The following ZNF536 variants were observed in gnomAD, a reference collection of about 807,000 sequenced individuals.
The protein encoded by ZNF536 is zinc finger protein 536.
A neutral mutation model predicts 84.5 loss-of-function variants in ZNF536; 13 were observed. That is an observed-to-expected ratio of 0.15 (90% confidence interval 0.10 to 0.24). ZNF536 has a LOEUF of 0.24. Among genes scored for constraint, ZNF536 ranks in the 10% least tolerant of loss-of-function variants. The pLI is 1.00. For synonymous variants in ZNF536, 811 were observed against 742.5 expected (o/e 1.09, Z -1.50); for missense variants, 1,536 against 1,747.5 (o/e 0.88, Z 2.16).
intron 2 of ZNF536, among the ~76,000 whole-genome samples, chr19:30,532,785 C>T (rs973088643): frequency 6.6e-6 from 1 of 152,174 alleles, no homozygotes; most frequent in Non-Finnish European, 1.5e-5. Context: ...GCCATCACTC[C>T]TTCTGGCAGC....
Position 30,508,211 on chromosome 19 carries a change from AC to A in ZNF536, c.2171-26632del, listed in dbSNP as rs372880347. Among the ~76,000 whole-genome samples the A allele has an allele frequency of 2.6e-4, 39 of 152,120 alleles. No individual in the cohort carries two copies. The East Asian group carries it at 6.4e-3, about 25-fold the overall frequency. ...GATTGCCCATGGAAGCTGAATTATG[AC>A]CCCAGGCTTGCAGGGGCTTATGGGA... On this transcript the variant is annotated intron_variant, in intron 2 of 4. Coordinates refer to ENST00000355537, the MANE Select transcript of ZNF536 (RefSeq NM_014717.3).
At chr19:30,677,952 C>T (rs7254787) in intron 1 of ZNF536, among the ~76,000 whole-genome samples, 10,238 of 152,174 alleles carry the variant, frequency 0.067, 615 homozygotes, top group African/African-American at 0.15. Context: ...TCACCCTGAG[C>T]CACCGAACTT....
At chr19:30,528,135 G>T (rs912256687) in intron 2 of ZNF536, among the ~76,000 whole-genome samples, 2 of 152,086 alleles carry the variant, frequency 1.3e-5, no homozygotes, top group South Asian at 4.1e-4. Context: ...CGTAGTAAGC[G>T]CCAGGGTGTT....
At chr19:30,499,921 C>T (rs1377597552) in intron 2 of ZNF536, among the ~76,000 whole-genome samples, 4 of 152,126 alleles carry the variant, frequency 2.6e-5, no homozygotes, top group African/African-American at 9.7e-5. Context: ...TGTTCCTCCC[C>T]TTGGAGATGT....
At position 30,279,294 on chromosome 19, in the gene ZNF536, A is replaced by G. The variant is rs561625957; in HGVS notation, c.-189-4778A>G. On this transcript the variant is annotated intron_variant, in intron 1 of 5. Transcript: ENST00000585628. ...AAACATGAGCTCCATGCAGGTGGAC[A>G]CGATGTTTATCACTGGATCCCCAGA... 2.0e-5 allele frequency among the ~76,000 whole-genome samples: 3 copies of G among 152,342 alleles called. No individual in the cohort carries two copies. In the East Asian group the frequency reaches 5.8e-4, roughly 29 times the overall value.
intron 1 of ZNF536, among the ~76,000 whole-genome samples, chr19:30,280,021 G>A (rs943378434): frequency 6.6e-6 from 1 of 152,128 alleles, no homozygotes; most frequent in African/African-American, 2.4e-5. Context: ...GTCTCCCCAG[G>A]AATACACTCC....
At chr19:30,230,536 G>A (rs1279548527) in intron 1 of ZNF536, among the ~76,000 whole-genome samples, 1 of 152,164 alleles carries the variant, frequency 6.6e-6, no homozygotes, top group African/African-American at 2.4e-5. Context: ...GGGCAGGCAG[G>A]GAGCGACAGT....
chr19:30,611,192 G>A (rs1257087178), intron 1 of ZNF536, among the ~76,000 whole-genome samples: 1 of 152,072 alleles, frequency 6.6e-6, no homozygotes, highest in African/African-American at 2.4e-5. Context: ...GACATTGCAG[G>A]GCATCTATCC....
intron 1 of ZNF536, among the ~76,000 whole-genome samples, chr19:30,244,352 C>T (rs1177780955): frequency 6.6e-6 from 1 of 152,122 alleles, no homozygotes; most frequent in African/African-American, 2.4e-5. Flanking sequence ...TTCCATCTCT[C>T]ACTTGTGCAA....
intron 2 of ZNF536, among the ~76,000 whole-genome samples, chr19:30,285,176 C>T (rs62101875): frequency 2.6e-4 from 39 of 152,170 alleles, no homozygotes; most frequent in South Asian, 6.2e-4. Flanking sequence ...CACCCTATTC[C>T]GATCTACCAA....
intron 1 of ZNF536, among the ~76,000 whole-genome samples, chr19:30,678,167 G>A (rs1208336197): frequency 6.6e-6 from 1 of 152,228 alleles, no homozygotes; most frequent in Non-Finnish European, 1.5e-5. Context: ...GCAAGGGGGT[G>A]CTGTCTTCAG....
At chr19:30,590,867 C>T (rs1202253715) in intron 1 of ZNF536, among the ~76,000 whole-genome samples, 1 of 152,218 alleles carries the variant, frequency 6.6e-6, no homozygotes, top group African/African-American at 2.4e-5. Flanking sequence ...GAAGGGAAGG[C>T]CAGTCCTTGG....
chr19:30,662,739 C>T (rs757816298), intron 1 of ZNF536, among the ~76,000 whole-genome samples: 1 of 151,972 alleles, frequency 6.6e-6, no homozygotes, highest in South Asian at 2.1e-4. Context: ...CATGTTAATG[C>T]TGTGTTGTGT....
At chr19:30,620,720 A>C (rs2147135895) in intron 1 of ZNF536, among the ~76,000 whole-genome samples, 1 of 152,292 alleles carries the variant, frequency 6.6e-6, no homozygotes, top group African/African-American at 2.4e-5. Flanking sequence ...GTCTTATTTT[A>C]GTTCAACATC....
At chr19:30,569,988 G>C (rs1248692770) in intron 1 of ZNF536, among the ~76,000 whole-genome samples, 5 of 152,206 alleles carry the variant, frequency 3.3e-5, no homozygotes, top group African/African-American at 1.2e-4. Context: ...AATGTCTGGA[G>C]ATATTGGGGA....
intron 3 of ZNF536, among the ~76,000 whole-genome samples, chr19:30,363,568 T>C (rs1259115347): frequency 6.6e-6 from 1 of 151,864 alleles, no homozygotes; most frequent in Non-Finnish European, 1.5e-5. Flanking sequence ...AACCTACACA[T>C]CACAAACCAC....
At chr19:30,399,790 C>T (rs1028089559) in intron 1 of ZNF536, among the ~76,000 whole-genome samples, 5 of 149,036 alleles carry the variant, frequency 3.4e-5, no homozygotes, top group Non-Finnish European at 4.4e-5. Context: ...CGGGTTCAAG[C>T]GATTCTCCTG....
intron 1 of ZNF536, among the ~76,000 whole-genome samples, chr19:30,419,232 G>A (rs1295166219): frequency 6.6e-6 from 1 of 152,154 alleles, no homozygotes; most frequent in African/African-American, 2.4e-5. Context: ...AAGGCAGAAC[G>A]CTCCTTCATG....
chr19:30,364,702 C>G (rs1228745880), intron 3 of ZNF536, among the ~76,000 whole-genome samples: 1 of 152,194 alleles, frequency 6.6e-6, no homozygotes, highest in Admixed American at 6.5e-5. Context: ...AGCACGCTCT[C>G]AGGCCAGGGC....
Sources: gnomAD v4.1 joint callset for allele counts (sites outside exome capture counted in the v4.1 genomes callset) on GRCh38, gnomAD v4.1.1 for gene constraint, MANE v1.5 for transcripts, NCBI Gene and HGNC (gene_info 2026-07-23, HGNC 2026-07-21) for gene names.